RYR2: variants seen among roughly 807,000 people sequenced by gnomAD.
RYR2 encodes ryanodine receptor 2, also known as cardiac muscle ryanodine receptor-calcium release channel.
In RYR2, 227 loss-of-function variants were observed where a neutral mutation model predicts 601.1. That is an observed-to-expected ratio of 0.38 (90% CI 0.34 to 0.42). The LOEUF (loss-of-function observed/expected upper bound fraction) is 0.42, where lower values mean the gene tolerates loss of function less well. Among genes scored for constraint, RYR2 ranks in the 10% least tolerant of loss-of-function variants. The probability of loss-of-function intolerance (pLI) is 1.00; values close to 1 mark genes in which losing one functional copy is unlikely to be tolerated. For synonymous variants in RYR2, 2,223 were observed against 2,175.1 expected (o/e 1.02, Z -0.61); for missense variants, 4,646 against 6,156.5 (o/e 0.75, Z 8.21).
chr1:237,237,753 T>C (rs935476450), intron 1 of RYR2, among the ~76,000 whole-genome samples: 1 of 152,164 alleles, frequency 6.6e-6, no homozygotes, highest in Non-Finnish European at 1.5e-5. Context: ...CCTAGTCTTT[T>C]CCGAATTGAC....
At chr1:237,440,427 T>C (rs142732927) in intron 12 of RYR2, among the ~76,000 whole-genome samples, 58 of 152,338 alleles carry the variant, frequency 3.8e-4, no homozygotes, top group African/African-American at 1.3e-3. Context: ...GGCTTTTTCA[T>C]TGCTGCTTTA....
intron 4 of RYR2, among the ~76,000 whole-genome samples, chr1:237,358,086 C>T (rs1387481957): frequency 6.6e-6 from 1 of 152,068 alleles, no homozygotes; most frequent in African/African-American, 2.4e-5. Context: ...AACCCTCTAC[C>T]CACCTAACCC....
At chr1:237,537,605 G>A (rs567930261) in intron 25 of RYR2, among the ~76,000 whole-genome samples, 16 of 152,166 alleles carry the variant, frequency 1.1e-4, no homozygotes, top group Admixed American at 5.2e-4. Flanking sequence ...GTGAGCCACC[G>A]TGCCCGGCCT....
At chr1:237,217,252 G>A (rs958429713) in intron 1 of RYR2, among the ~76,000 whole-genome samples, 1 of 151,952 alleles carries the variant, frequency 6.6e-6, no homozygotes, top group Non-Finnish European at 1.5e-5. Flanking sequence ...TTCCCTGCTC[G>A]ATGACTCAGG....
At chr1:237,785,921 A>G in intron 90 of RYR2, 48 bp from the exon 91 acceptor site, 2 of 1,322,026 alleles carry the variant, frequency 1.5e-6, no homozygotes, top group Non-Finnish European at 2.2e-6. Flanking sequence ...AATTCATTCA[A>G]AGGTGATGGG....
intron 1 of RYR2, among the ~76,000 whole-genome samples, chr1:237,087,918 A>C (rs1331838183): frequency 6.6e-6 from 1 of 152,242 alleles, no homozygotes; most frequent in Non-Finnish European, 1.5e-5. Flanking sequence ...GGTATTCAAC[A>C]CAATTAGTTC....
chr1:237,464,028 T>C (rs1659774691), intron 16 of RYR2, among the ~76,000 whole-genome samples: 1 of 152,222 alleles, frequency 6.6e-6, no homozygotes, highest in Admixed American at 6.5e-5. Context: ...TTACAAATGT[T>C]CCTTTAAATA....
chr1:237,064,751 CTTTTTTTTT>C (rs551797601), intron 1 of RYR2, among the ~76,000 whole-genome samples: 47 of 109,970 alleles, frequency 4.3e-4, no homozygotes, highest in Non-Finnish European at 6.3e-4. Context: ...TAGAACCTGT[CTTTTTTTTT>C]TTTTTTTTTT....
intron 1 of RYR2, among the ~76,000 whole-genome samples, chr1:237,080,897 T>C (rs1665533907): frequency 1.6e-5 from 1 of 64,268 alleles, no homozygotes; most frequent in African/African-American, 6.0e-5. Context: ...CCAACAATGA[T>C]AGACTGGATT....
chr1:237,526,554 C>T (rs1216490789), intron 24 of RYR2, among the ~76,000 whole-genome samples: 2 of 152,046 alleles, frequency 1.3e-5, no homozygotes, highest in African/African-American at 2.4e-5. Flanking sequence ...CCTATGTTAC[C>T]CAGACTGGTC....
chr1:237,537,058 A>G (rs182821323), intron 25 of RYR2, among the ~76,000 whole-genome samples: 1 of 152,312 alleles, frequency 6.6e-6, no homozygotes, highest in African/African-American at 2.4e-5. Flanking sequence ...TGTAAATTAA[A>G]ATCACAATGA....
At chr1:237,449,405 A>G (rs1301119445) in intron 14 of RYR2, among the ~76,000 whole-genome samples, 2 of 152,210 alleles carry the variant, frequency 1.3e-5, no homozygotes, top group Non-Finnish European at 2.9e-5. Context: ...ACATTATAAT[A>G]GTATACTTCC....
intron 29 of RYR2, among the ~76,000 whole-genome samples, chr1:237,583,734 T>C (rs1674191019): frequency 1.3e-5 from 2 of 152,204 alleles, no homozygotes; most frequent in Admixed American, 1.3e-4. Context: ...CTGGTACGCT[T>C]GTGATCTGCT....
chr1:237,391,745 T>A (rs896266869), intron 10 of RYR2, among the ~76,000 whole-genome samples: 4 of 152,260 alleles, frequency 2.6e-5, no homozygotes, highest in African/African-American at 9.6e-5. Flanking sequence ...TTTAGATATG[T>A]ATGTGTATGT....
chr1:237,552,606 C>T (rs1670511663), intron 27 of RYR2, among the ~76,000 whole-genome samples: 1 of 151,612 alleles, frequency 6.6e-6, no homozygotes, highest in South Asian at 2.1e-4. Context: ...ATAAATGTAA[C>T]CTATAAATGT....
At chr1:237,781,302 G>A (rs528318381) in intron 88 of RYR2, among the ~76,000 whole-genome samples, 78 of 152,240 alleles carry the variant, frequency 5.1e-4, no homozygotes, top group South Asian at 2.9e-3. Flanking sequence ...TGTGCGCCTC[G>A]GCCTCCCAAA....
intron 1 of RYR2, among the ~76,000 whole-genome samples, chr1:237,255,790 A>G (rs1309548271): frequency 6.6e-6 from 1 of 151,900 alleles, no homozygotes; most frequent in Admixed American, 6.6e-5. Context: ...TTGTATCTGC[A>G]TCCACAAATT....
intron 14 of RYR2, among the ~76,000 whole-genome samples, chr1:237,446,470 A>G (rs1708346474): frequency 6.6e-6 from 1 of 152,160 alleles, no homozygotes; most frequent in African/African-American, 2.4e-5. Flanking sequence ...CTGTCATCAT[A>G]AGTTGCAAAC....
chr1:237,333,962 C>T lies in RYR2; in HGVS notation c.273+2980C>T, dbSNP rs114631177. On this transcript the variant is annotated intron_variant, in intron 3 of 104. Transcript: ENST00000366574. The stretch of plus-strand genomic sequence containing the variant: ...ACTCTTTCATAATCAACTTTCTTTA[C>T]GAAGCCCTGTTCTTTTTTATTTAAT... Among the ~76,000 whole-genome samples the T allele has an allele frequency of 2.6e-3, 403 of 152,234 alleles. 2 individuals are homozygous for T. Among genetic ancestry groups the T allele is most frequent in the African/African-American group, 8.9e-3 (371 of 41,552 alleles).
Sources: allele counts gnomAD v4.1 joint callset (sites outside exome capture counted in the v4.1 genomes callset), GRCh38; gene constraint gnomAD v4.1.1; transcripts MANE v1.5; gene names NCBI Gene and HGNC (gene_info 2026-07-23, HGNC 2026-07-21).